Variants in RALYL observed in about 807,000 individuals in gnomAD.
The protein encoded by RALYL is RALY RNA binding protein like, also known as RNA-binding Raly-like protein.
In RALYL, 29 loss-of-function variants were observed where a neutral mutation model predicts 35.1. That is an observed-to-expected ratio of 0.83 (90% confidence interval 0.61 to 1.13). The LOEUF (loss-of-function observed/expected upper bound fraction) is 1.13, where lower values mean the gene tolerates loss of function less well. Ranked by LOEUF, RALYL falls within the 50% of genes most tolerant of loss-of-function variation. The pLI, the probability that RALYL is intolerant of heterozygous loss-of-function variation, is 0.00. For missense variants in RALYL, 359 were observed against 360.4 expected (o/e 1.00, Z 0.03); for synonymous variants, 120 against 127.6 (o/e 0.94, Z 0.40).
chr8:84,909,969 A>C (rs1847226437), intron 8 of RALYL, among the ~76,000 whole-genome samples: 1 of 152,120 alleles, frequency 6.6e-6, no homozygotes, highest in South Asian at 2.1e-4. Context: ...CTCCCACTTT[A>C]ACCTAAAGAA....
At position 84,377,570 on chromosome 8, in the gene RALYL, G is replaced by A. The variant is rs567663344; in HGVS notation, c.-23-151729G>A. ...ATGTATGCTTATTTGTTCTCTAGTA[G>A]GTAGAAAGTTAAGTCCTTAGGAATA... On this transcript the variant is annotated intron_variant, in intron 1 of 8. Coordinates refer to ENST00000521268, the MANE Select transcript of RALYL (RefSeq NM_173848.7). Among the ~76,000 whole-genome samples the A allele has an allele frequency of 2.0e-5, 3 of 147,804 alleles. No homozygotes were observed. In the South Asian group the frequency reaches 6.4e-4, roughly 32 times the overall value.
At chr8:84,571,739 G>A (rs1252221) in intron 2 of RALYL, among the ~76,000 whole-genome samples, 28,570 of 151,538 alleles carry the variant, frequency 0.19, 2,965 homozygotes, top group Non-Finnish European at 0.23. Flanking sequence ...TTTTTATGTA[G>A]GCAGTTAGTG....
intron 1 of RALYL, among the ~76,000 whole-genome samples, chr8:84,467,651 T>C (rs1158627809): frequency 6.6e-6 from 1 of 152,076 alleles, no homozygotes; most frequent in Non-Finnish European, 1.5e-5. Flanking sequence ...TGTAGATGTC[T>C]ATTAGGTCCA....
At position 84,607,178 on chromosome 8, in the gene RALYL, C is replaced by T. The variant is rs185898320; in HGVS notation, c.256+77601C>T. Among the ~76,000 whole-genome samples the T allele has an allele frequency of 1.6e-4, 25 of 152,100 alleles. 1 individual carries two copies. The East Asian group carries it at 3.5e-3, about 21-fold the overall frequency. Reference sequence around the variant, plus strand: ...TTCTTCTTCCTTCTCTTTTCCCCCCCCTTTTCTTCCTGCTTCTTTCTCCCA... The same window carrying T: ...TTCTTCTTCCTTCTCTTTTCCCCCCTCTTTTCTTCCTGCTTCTTTCTCCCA... On this transcript the variant is annotated intron_variant, in intron 2 of 8. Transcript: ENST00000521268.
chr8:84,555,630 A>T (rs1267297233), intron 2 of RALYL, among the ~76,000 whole-genome samples: 1 of 152,196 alleles, frequency 6.6e-6, no homozygotes, highest in Non-Finnish European at 1.5e-5. Context: ...TTCTGTTTTG[A>T]CATTTTAATT....
intron 1 of RALYL, among the ~76,000 whole-genome samples, chr8:84,414,815 C>T (rs2044469342): frequency 6.6e-6 from 1 of 152,088 alleles, no homozygotes; most frequent in African/African-American, 2.4e-5. Flanking sequence ...TAGAGTTCTA[C>T]ACAGCAACCC....
At chr8:84,601,774 T>C (rs1816022829) in intron 2 of RALYL, among the ~76,000 whole-genome samples, 1 of 152,146 alleles carries the variant, frequency 6.6e-6, no homozygotes, top group South Asian at 2.1e-4. Flanking sequence ...TCAGATTTTT[T>C]GTTATTTGAA....
intron 2 of RALYL, among the ~76,000 whole-genome samples, chr8:84,534,209 C>T (rs967779614): frequency 6.6e-6 from 1 of 152,248 alleles, no homozygotes; most frequent in Non-Finnish European, 1.5e-5. Flanking sequence ...TTCTATCGCC[C>T]AACAGGGCCT....
At chr8:84,338,365 A>C (rs1044649358) in intron 1 of RALYL, among the ~76,000 whole-genome samples, 19 of 152,064 alleles carry the variant, frequency 1.2e-4, no homozygotes, top group Admixed American at 8.5e-4. Flanking sequence ...AGAACATAGA[A>C]TAAGAATTGT....
chr8:84,303,204 T>C (rs541596291), intron 1 of RALYL, among the ~76,000 whole-genome samples: 1 of 152,280 alleles, frequency 6.6e-6, no homozygotes, highest in South Asian at 2.1e-4. Flanking sequence ...TGGAACATAT[T>C]AGAAAAAATA....
intron 2 of RALYL, among the ~76,000 whole-genome samples, chr8:84,664,940 G>T (rs1484703971): frequency 1.3e-5 from 2 of 152,026 alleles, no homozygotes; most frequent in African/African-American, 2.4e-5. Context: ...TTTGCCTGTT[G>T]AGCATGATAT....
intron 4 of RALYL, among the ~76,000 whole-genome samples, chr8:84,847,456 G>A (rs1834906140): frequency 6.6e-6 from 1 of 152,050 alleles, no homozygotes; most frequent in Non-Finnish European, 1.5e-5. Flanking sequence ...TCTGCTTTAA[G>A]TATGTAGGTT....
chr8:84,428,418 G>T (rs1407016724), intron 1 of RALYL, among the ~76,000 whole-genome samples: 4 of 152,088 alleles, frequency 2.6e-5, no homozygotes, highest in Non-Finnish European at 5.9e-5. Context: ...TTTCAATTCA[G>T]ATGTACGATT....
intron 1 of RALYL, among the ~76,000 whole-genome samples, chr8:84,345,282 C>T (rs994294189): frequency 1.4e-4 from 22 of 151,892 alleles, no homozygotes; most frequent in African/African-American, 4.6e-4. Context: ...TCCTCTATTA[C>T]GTTACTCAGT....
intron 2 of RALYL, among the ~76,000 whole-genome samples, chr8:84,603,183 G>T (rs370855432): frequency 5.9e-5 from 9 of 152,160 alleles, no homozygotes; most frequent in East Asian, 1.9e-4. Context: ...AAGTGATCAG[G>T]CCAGTGGGGT....
At chr8:84,735,125 CGTTACCAACTTA>C in intron 2 of RALYL, among the ~76,000 whole-genome samples, 1 of 151,048 alleles carries the variant, frequency 6.6e-6, no homozygotes, top group Non-Finnish European at 1.5e-5. Flanking sequence ...ATGGACTGTT[CGTTACCAACTTA>C]GACACTTCTC....
intron 1 of RALYL, among the ~76,000 whole-genome samples, chr8:84,186,027 G>A (rs1001053208): frequency 7.2e-5 from 11 of 152,194 alleles, no homozygotes; most frequent in African/African-American, 2.7e-4. Context: ...ACTCATGCAA[G>A]TATCTCAAAA....
chr8:84,438,425 GT>G (rs913020071), intron 1 of RALYL, among the ~76,000 whole-genome samples: 3 of 152,026 alleles, frequency 2.0e-5, no homozygotes, highest in African/African-American at 7.2e-5. Context: ...GTCTCACTCT[GT>G]TGCTCGTGCT....
chr8:84,201,398 A>G (rs979641111), intron 1 of RALYL, among the ~76,000 whole-genome samples: 1 of 152,144 alleles, frequency 6.6e-6, no homozygotes, highest in Admixed American at 6.5e-5. Flanking sequence ...TATTCCCAGT[A>G]TAGGTCTTTC....
Sources: allele counts gnomAD v4.1 joint callset (sites outside exome capture counted in the v4.1 genomes callset), GRCh38; gene constraint gnomAD v4.1.1; transcripts MANE v1.5; gene names NCBI Gene and HGNC (gene_info 2026-07-23, HGNC 2026-07-21).